The following CCDC6 variants were observed in gnomAD, a reference collection of about 807,000 sequenced individuals.
CCDC6 encodes the protein coiled-coil domain containing 6.
Under a neutral mutation model 56.6 loss-of-function variants are expected in CCDC6, and 20 were observed. That is an observed-to-expected ratio of 0.35 (90% CI 0.25 to 0.51). CCDC6 has a LOEUF of 0.51. Ranked by LOEUF, CCDC6 falls within the 20% of genes least tolerant of loss-of-function variation. The pLI, the probability that CCDC6 is intolerant of heterozygous loss-of-function variation, is 0.95. For synonymous variants in CCDC6, 241 were observed against 234.4 expected (o/e 1.03, Z -0.26); for missense variants, 367 against 601.1 (o/e 0.61, Z 4.07).
chr10:59,877,391 G>A (rs183353674), intron 1 of CCDC6, among the ~76,000 whole-genome samples: 1 of 152,308 alleles, frequency 6.6e-6, no homozygotes. Context: ...ATAAATGGAG[G>A]TGGTTCTTCT....
At chr10:59,809,456 T>C (rs1315665366) in intron 5 of CCDC6, among the ~76,000 whole-genome samples, 1 of 152,178 alleles carries the variant, frequency 6.6e-6, no homozygotes, top group South Asian at 2.1e-4. Flanking sequence ...GCAATTGACC[T>C]AGAAGACAGA....
At chr10:59,811,561 G>A (rs370625213) in intron 5 of CCDC6, among the ~76,000 whole-genome samples, 4 of 152,258 alleles carry the variant, frequency 2.6e-5, no homozygotes, top group African/African-American at 7.2e-5. Flanking sequence ...ATCAGCAGGG[G>A]AGAAAACTAC....
intron 1 of CCDC6, among the ~76,000 whole-genome samples, chr10:59,884,550 T>C (rs1241965281): frequency 1.3e-5 from 2 of 151,838 alleles, no homozygotes; most frequent in Non-Finnish European, 2.9e-5. Flanking sequence ...TTAAAGAGAG[T>C]GCGCCCAGTT....
intron 1 of CCDC6, among the ~76,000 whole-genome samples, chr10:59,871,080 A>C (rs773441360): frequency 3.9e-5 from 6 of 152,368 alleles, no homozygotes; most frequent in Middle Eastern, 3.4e-3. Flanking sequence ...AAGACTATGC[A>C]CATTATGATC....
At chr10:59,857,268 C>G (rs2071087859) in intron 1 of CCDC6, among the ~76,000 whole-genome samples, 1 of 152,078 alleles carries the variant, frequency 6.6e-6, no homozygotes, top group Non-Finnish European at 1.5e-5. Context: ...CCTGAGTCAC[C>G]ACATATTTAG....
At chr10:59,837,855 C>T (rs901797253) in intron 2 of CCDC6, among the ~76,000 whole-genome samples, 2 of 150,478 alleles carry the variant, frequency 1.3e-5, no homozygotes, top group South Asian at 2.1e-4. Context: ...CAACTAACAT[C>T]CCTGGTTTAT....
At chr10:59,797,659 T>A (rs1032247351) in intron 7 of CCDC6, among the ~76,000 whole-genome samples, 12 of 108,810 alleles carry the variant, frequency 1.1e-4, no homozygotes, top group Non-Finnish European at 2.0e-4. Context: ...CATGAGTGAG[T>A]GAGAGAGAGA....
At chr10:59,799,524 A>C (rs16912937) in intron 7 of CCDC6, among the ~76,000 whole-genome samples, 8,562 of 152,284 alleles carry the variant, frequency 0.056, 292 homozygotes, top group African/African-American at 0.082. Flanking sequence ...AACAGTGAAT[A>C]TCAAAGTTCT....
At chr10:59,807,141 A>G (rs922970257) in intron 5 of CCDC6, 63 bp from the exon 6 acceptor site, 1 of 1,466,386 alleles carries the variant, frequency 6.8e-7, no homozygotes, top group East Asian at 2.3e-5. Flanking sequence ...TCTAAAAAAA[A>G]GGAGACTTCA....
At position 59,792,482 on chromosome 10, in the gene CCDC6, G is replaced by C. The variant is rs1220233003; in HGVS notation, c.*435C>G. 1 of 448,484 alleles carries C rather than the reference G, an allele frequency of 2.2e-6. No individual in the cohort carries two copies. Among genetic ancestry groups the C allele is most frequent in the Non-Finnish European group, 4.2e-6 (1 of 238,638 alleles). 27.8% of individuals were successfully genotyped at this position (448,484 alleles called of 1,614,324 possible). On this transcript the variant is annotated 3_prime_UTR_variant, in exon 9 of 9. Coordinates refer to ENST00000263102, the MANE Select transcript of CCDC6 (RefSeq NM_005436.5). The stretch of plus-strand genomic sequence containing the variant: ...TAGTGCTGAATTATTGGTATGTTTG[G>C]TAAACACTATTATAATGAGAGGAGG...
chr10:59,796,214 T>C (rs1159045945), intron 7 of CCDC6, among the ~76,000 whole-genome samples: 1 of 151,992 alleles, frequency 6.6e-6, no homozygotes, highest in Non-Finnish European at 1.5e-5. Flanking sequence ...GATTTGCATT[T>C]CTCTGATGGC....
At position 59,791,001 on chromosome 10, in the gene CCDC6, C is replaced by A; in HGVS notation, c.*1916G>T. 4.9e-6 allele frequency: 1 copy of A among 205,056 alleles called. No individual in the cohort carries two copies. Among genetic ancestry groups the A allele is most frequent in the Non-Finnish European group, 1.0e-5 (1 of 100,184 alleles). The allele number at this position is 205,056 out of a possible 1,614,324, so 12.7% of individuals were successfully genotyped here. On this transcript the variant is annotated 3_prime_UTR_variant, in exon 9 of 9. Coordinates refer to ENST00000263102, the MANE Select transcript of CCDC6 (RefSeq NM_005436.5). ...CCTATAAGAAAAACTGAGAACTGTA[C>A]CATGAAGGCAAAATTTGTTTGCCTA...
chr10:59,790,033 G>A lies in CCDC6; in HGVS notation c.*2884C>T, dbSNP rs1283468238. The stretch of plus-strand genomic sequence containing the variant: ...TTAAAACTCCTTTCAGTCAACGAAG[G>A]AGTAAGTTCAATTAAAGGCTTCCAC... On this transcript the variant is annotated 3_prime_UTR_variant, in exon 9 of 9. Coordinates refer to ENST00000263102, the MANE Select transcript of CCDC6 (RefSeq NM_005436.5). 1.4e-5 allele frequency: 3 copies of A among 216,198 alleles called. No homozygotes were observed. Among genetic ancestry groups the A allele is most frequent in the African/African-American group, 2.3e-5 (1 of 44,352 alleles). 13.4% of individuals were successfully genotyped at this position (216,198 alleles called of 1,614,324 possible). A position where few individuals can be genotyped will look rare whatever the true frequency, so the allele number is the denominator to read the frequency against.
intron 3 of CCDC6, among the ~76,000 whole-genome samples, chr10:59,825,878 G>A (rs1277900296): frequency 6.6e-6 from 1 of 152,048 alleles, no homozygotes; most frequent in Non-Finnish European, 1.5e-5. Context: ...ATATTTTCCT[G>A]CTTAAGACAA....
intron 7 of CCDC6, among the ~76,000 whole-genome samples, chr10:59,803,443 T>C (rs142613042): frequency 7.2e-5 from 11 of 152,336 alleles, no homozygotes; most frequent in African/African-American, 1.2e-4. Flanking sequence ...TCTATTCTAC[T>C]GCAAAACTCT....
chr10:59,867,763 T>G (rs946605135), intron 1 of CCDC6, among the ~76,000 whole-genome samples: 1 of 152,146 alleles, frequency 6.6e-6, no homozygotes, highest in African/African-American at 2.4e-5. Context: ...AGATGGGGTT[T>G]CGCCATGTTG....
At chr10:59,808,681 GGAA>G (rs1359726778) in intron 5 of CCDC6, among the ~76,000 whole-genome samples, 1 of 152,162 alleles carries the variant, frequency 6.6e-6, no homozygotes, top group East Asian at 1.9e-4. Flanking sequence ...CCAAATTTAG[GGAA>G]GAAGGAGGGA....
At chr10:59,891,461 C>A (rs1017195719) in intron 1 of CCDC6, among the ~76,000 whole-genome samples, 3 of 152,208 alleles carry the variant, frequency 2.0e-5, no homozygotes, top group Admixed American at 2.0e-4. Flanking sequence ...TTATGGAAAG[C>A]AGTAAAGCCT....
In CCDC6 at chr10:59,790,696, A is replaced by C. The variant is rs1285165805; in HGVS notation, c.*2221T>G. 9.1e-6 allele frequency: 2 copies of C among 220,720 alleles called. No homozygotes were observed. Among genetic ancestry groups the C allele is most frequent in the African/African-American group, 4.5e-5 (2 of 44,550 alleles). 13.7% of individuals were successfully genotyped at this position (220,720 alleles called of 1,614,324 possible). A position where few individuals can be genotyped will look rare whatever the true frequency, so the allele number is the denominator to read the frequency against. Reference sequence around the variant, plus strand: ...GAGCTGTGTTTTATTTCGAAGTGAAATGACTTTGGGAACCAGAACATTTCT... The same window carrying C: ...GAGCTGTGTTTTATTTCGAAGTGAACTGACTTTGGGAACCAGAACATTTCT... On this transcript the variant is annotated 3_prime_UTR_variant, in exon 9 of 9. Transcript: ENST00000263102.
Sources: gnomAD v4.1 joint callset for allele counts (sites outside exome capture counted in the v4.1 genomes callset) on GRCh38, gnomAD v4.1.1 for gene constraint, MANE v1.5 for transcripts, NCBI Gene and HGNC (gene_info 2026-07-23, HGNC 2026-07-21) for gene names.